The following KDM8 variants were observed in gnomAD, a reference collection of about 807,000 sequenced individuals.
KDM8 encodes lysine demethylase 8, also known as bifunctional peptidase and arginyl-hydroxylase JMJD5.
In KDM8, 35 loss-of-function variants were observed where a neutral mutation model predicts 46.9. The ratio of observed to expected loss-of-function variants is 0.75; its 90% CI spans 0.57 to 0.99. KDM8 has a LOEUF of 0.99. Ranked by LOEUF, KDM8 falls within the 50% of genes least tolerant of loss-of-function variation. The probability of loss-of-function intolerance (pLI) is 0.00; values close to 1 mark genes in which losing one functional copy is unlikely to be tolerated. For missense variants in KDM8, 475 were observed against 537.0 expected (o/e 0.88, Z 1.14); for synonymous variants, 232 against 227.7 (o/e 1.02, Z -0.17).
chr16:27,210,238 G>A lies in KDM8; in HGVS notation c.115G>A (p.Glu39Lys), dbSNP rs2083468185. 1.9e-6 allele frequency: 3 copies of A among 1,613,302 alleles called. No homozygotes were observed. The highest frequency in any genetic ancestry group is 2.5e-6 in the Non-Finnish European group (3 of 1,180,042). ...AGAAGACCTGAAGTTGGACCTCGGG[G>A]AGAAAGTGGAGAGGAGCGTGGTGAC... ...SKEDLKLDLGEKVERSVVTLL... is the reference protein window; with the variant it reads ...SKEDLKLDLGKKVERSVVTLL... Residue 39 changes from glutamate to lysine, a missense_variant, in exon 2 of 8, where the codon GAG (glutamate) becomes AAG (lysine). Physicochemically the swap from Glu to Lys is moderately conservative, Grantham distance 56. Coordinates refer to ENST00000286096, the MANE Select transcript of KDM8 (RefSeq NM_024773.3).
At chr16:27,212,067 T>C (rs924408499) in intron 2 of KDM8, among the ~76,000 whole-genome samples, 5 of 152,140 alleles carry the variant, frequency 3.3e-5, no homozygotes, top group African/African-American at 1.2e-4. Context: ...TCCACAAATA[T>C]GTCAGACAAT....
chr16:27,216,065 C>A, intron 5 of KDM8, 76 bp downstream of exon 5: 2 of 1,514,578 alleles, frequency 1.3e-6, no homozygotes, highest in Non-Finnish European at 1.8e-6. Context: ...CTCAGTGCGG[C>A]TGGAGCAGTG....
In KDM8 at chr16:27,214,987, C is replaced by T; in HGVS notation, c.777C>T (p.Ile259=). ...CCCTCATGACGGTCAACGAGTTCAT[C>T]AGCAAATACATCGTGAATGAGGTAC... ...SQTLMTVNEF[I]SKYIVNEPRD... Residue 259 remains isoleucine, a synonymous_variant, in exon 4 of 8, where the codon ATC becomes ATT. Coordinates refer to ENST00000286096, the MANE Select transcript of KDM8 (RefSeq NM_024773.3). The T allele has an allele frequency of 1.2e-6, 2 of 1,614,150 alleles. No individual in the cohort carries two copies. Among genetic ancestry groups the T allele is most frequent in the Non-Finnish European group, 1.7e-6 (2 of 1,180,018 alleles).
At chr16:27,204,342 T>TG (rs2083407549) in intron 1 of KDM8, 2 of 1,356,738 alleles carry the variant, frequency 1.5e-6, no homozygotes, top group South Asian at 3.5e-5. Context: ...GCGCAGGCGT[T>TG]GGGGCCACAC....
chr16:27,217,695 C>T (rs1425242685), intron 5 of KDM8, among the ~76,000 whole-genome samples: 1 of 152,226 alleles, frequency 6.6e-6, no homozygotes, highest in Non-Finnish European at 1.5e-5. Context: ...GTTTCTGAGC[C>T]AGCAGCCTGA....
chr16:27,208,020 G>A (rs16976593), intron 1 of KDM8, among the ~76,000 whole-genome samples: 3,422 of 152,314 alleles, frequency 0.022, 122 homozygotes, highest in African/African-American at 0.076. Flanking sequence ...TATTGTCAAC[G>A]TAAGTATCTC....
At chr16:27,203,996 T>C in intron 1 of KDM8, 1 of 1,017,664 alleles carries the variant, frequency 9.8e-7, no homozygotes, top group Non-Finnish European at 1.4e-6. Context: ...GCGGGTTTTA[T>C]ACTCTGCTAT....
chr16:27,204,036 C>T (rs529520937), intron 1 of KDM8: 6 of 1,463,154 alleles, frequency 4.1e-6, no homozygotes, highest in Middle Eastern at 1.7e-4. Flanking sequence ...AGGCAACCAG[C>T]CGCTGCCCCT....
intron 6 of KDM8, 111 bp from the exon 7 acceptor site, chr16:27,220,282 A>G: frequency 2.4e-6 from 2 of 835,008 alleles, no homozygotes; most frequent in Non-Finnish European, 4.2e-6. Flanking sequence ...GTGGTGGGGA[A>G]GGGCAGGCTG....
chr16:27,204,165 G>C (rs1031352370), intron 1 of KDM8: 1 of 1,512,744 alleles, frequency 6.6e-7, no homozygotes. Context: ...GGGGCTCAAG[G>C]CCAGTGCGGG....
At chr16:27,218,282 A>G (rs77167442) in intron 5 of KDM8, among the ~76,000 whole-genome samples, 1 of 147,960 alleles carries the variant, frequency 6.8e-6, no homozygotes, top group Admixed American at 6.7e-5. Context: ...ACTGTCTTTG[A>G]AAAAAAAAAT....
At chr16:27,219,154 C>T (rs759130436) in intron 6 of KDM8, 44 bp downstream of exon 6, 5 of 1,548,454 alleles carry the variant, frequency 3.2e-6, no homozygotes, top group Middle Eastern at 3.5e-4. Context: ...CTCCTCCTGG[C>T]CCAGACACCT....
At chr16:27,204,044 C>T in intron 1 of KDM8, 1 of 1,509,792 alleles carries the variant, frequency 6.6e-7, no homozygotes, top group South Asian at 1.2e-5. Context: ...AGCCGCTGCC[C>T]CTGGGCCGCA....
At position 27,210,261 on chromosome 16, in the gene KDM8, G is replaced by A. The variant is rs1194448527; in HGVS notation, c.138G>A (p.Val46=). ...GGGAGAAAGTGGAGAGGAGCGTGGT[G>A]ACATTGTTGCAGCGAGCCACTGAGC... The part of the protein sequence containing the change: ...DLGEKVERSV[V]TLLQRATELF... The change falls in exon 2 of 8, where the codon GTG becomes GTA. Residue 46 remains valine, a synonymous_variant. Coordinates refer to ENST00000286096, the MANE Select transcript of KDM8 (RefSeq NM_024773.3). 1 of 1,613,232 alleles carries A rather than the reference G, an allele frequency of 6.2e-7. No individual in the cohort carries two copies. The highest frequency in any genetic ancestry group is 1.1e-5 in the South Asian group (1 of 91,080).
intron 6 of KDM8, among the ~76,000 whole-genome samples, chr16:27,219,730 T>C (rs1452541541): frequency 2.0e-5 from 3 of 152,202 alleles, no homozygotes; most frequent in Non-Finnish European, 4.4e-5. Context: ...CTGTGTGAGC[T>C]TGGGCAGCTC....
At chr16:27,211,119 CTCTT>C in intron 2 of KDM8, 1 of 448,014 alleles carries the variant, frequency 2.2e-6, no homozygotes, top group African/African-American at 2.1e-5. Flanking sequence ...TTCATTTTCT[CTCTT>C]TTTTTTTTTT....
chr16:27,206,203 A>T (rs2083426764), intron 1 of KDM8: 1 of 983,422 alleles, frequency 1.0e-6, no homozygotes, highest in African/African-American at 1.8e-5. Flanking sequence ...CTGGCAAGTC[A>T]CACATCTTAT....
chr16:27,208,194 C>G (rs2083444853), intron 1 of KDM8, among the ~76,000 whole-genome samples: 1 of 152,222 alleles, frequency 6.6e-6, no homozygotes, highest in Non-Finnish European at 1.5e-5. Flanking sequence ...AACATGAGGT[C>G]TCCAAGGCCG....
At chr16:27,206,304 G>A (rs1015762511) in intron 1 of KDM8, 19 of 667,050 alleles carry the variant, frequency 2.8e-5, no homozygotes, top group Admixed American at 6.4e-5. Context: ...ACAGACTCTT[G>A]CTCTGTCACC....
Sources: gnomAD v4.1 joint callset for allele counts (sites outside exome capture counted in the v4.1 genomes callset) on GRCh38, gnomAD v4.1.1 for gene constraint, MANE v1.5 for transcripts, NCBI Gene and HGNC (gene_info 2026-07-23, HGNC 2026-07-21) for gene names.